Variants in CACNB3 observed in about 807,000 individuals in gnomAD.
CACNB3 encodes the protein calcium voltage-gated channel auxiliary subunit beta 3, also known as voltage-dependent L-type calcium channel subunit beta-3.
A neutral mutation model predicts 63.7 loss-of-function variants in CACNB3; 36 were observed. That is an observed-to-expected ratio of 0.57 (90% CI 0.43 to 0.75). The LOEUF is 0.75. Among genes scored for constraint, CACNB3 ranks in the 30% least tolerant of loss-of-function variants. The pLI is 0.00. For missense variants in CACNB3, 493 were observed against 648.6 expected (o/e 0.76, Z 2.61); for synonymous variants, 241 against 250.6 (o/e 0.96, Z 0.36).
At chr12:48,822,887 T>G (rs1270581284) in intron 1 of CACNB3, among the ~76,000 whole-genome samples, 1 of 152,168 alleles carries the variant, frequency 6.6e-6, no homozygotes, top group Non-Finnish European at 1.5e-5. Flanking sequence ...ATCTCTTGAC[T>G]GTTGCGGCTG....
chr12:48,828,868 T>C lies in CACNB3; in HGVS notation c.*969T>C. 2.3e-6 allele frequency: 1 copy of C among 427,548 alleles called. No homozygotes were observed. Among genetic ancestry groups the C allele is most frequent in the African/African-American group, 2.0e-5 (1 of 49,320 alleles). 26.5% of individuals were successfully genotyped at this position (427,548 alleles called of 1,614,324 possible). ...CTACTCTTGCCTTATGGCTCTAGTG[T>C]GTGACCTACAGAGCATGCTCCACAA... is the stretch of plus-strand genomic sequence containing the variant. On this transcript the variant is annotated 3_prime_UTR_variant, in exon 13 of 13. Coordinates refer to ENST00000301050, the MANE Select transcript of CACNB3 (RefSeq NM_000725.4).
chr12:48,827,950 GC>G lies in CACNB3; in HGVS notation c.*54del. 1 of 1,499,808 alleles carries G rather than the reference GC, an allele frequency of 6.7e-7. No individual in the cohort carries two copies. The highest frequency in any genetic ancestry group is 9.2e-7 in the Non-Finnish European group (1 of 1,091,922). The allele number at this position is 1,499,808 out of a possible 1,614,324, so 92.9% of individuals were successfully genotyped here. ...AGGCACAGGCGCAGCTGGCTGGGGG[GC>G]CCACTCCAGGCAGGGTGGCGTTAGA... On this transcript the variant is annotated 3_prime_UTR_variant, in exon 13 of 13. Transcript: ENST00000301050.
At chr12:48,816,001 G>A (rs1287397092), upstream of CACNB3, among the ~76,000 whole-genome samples, 3 of 152,156 alleles carry the variant, frequency 2.0e-5, no homozygotes, top group Non-Finnish European at 4.4e-5. Flanking sequence ...TACAAGAAGG[G>A]CTCTGCCAAG....
upstream of CACNB3, chr12:48,814,655 C>T (rs1942242935): frequency 3.4e-6 from 4 of 1,185,314 alleles, no homozygotes; most frequent in Non-Finnish European, 4.6e-6. This position sits in a 1 kb window ranked among gnomAD's most constrained non-coding sequence, Gnocchi z 6.9. Context: ...CTGGGGGTCT[C>T]GAGCTGGGAC....
At chr12:48,814,738 C>T (rs1032392018), upstream of CACNB3, among the ~76,000 whole-genome samples, 10 of 152,184 alleles carry the variant, frequency 6.6e-5, no homozygotes, top group African/African-American at 2.4e-4. This position sits in a 1 kb window ranked among gnomAD's most constrained non-coding sequence, Gnocchi z 6.9. Flanking sequence ...CGGGGTGCGT[C>T]CCCCCTGCTC....
At chr12:48,815,734 C>CCG, upstream of CACNB3, 1 of 604,374 alleles carries the variant, frequency 1.7e-6, no homozygotes, top group Non-Finnish European at 2.5e-6. Context: ...ACGAGGTAAC[C>CCG]GTGGGGGGGG....
At chr12:48,821,451 C>G (rs1328005864) in intron 1 of CACNB3, 3 of 152,134 alleles carry the variant, frequency 2.0e-5, no homozygotes, top group African/African-American at 7.2e-5. Context: ...ACACTCCAGC[C>G]TGGGTGACAG....
rs543206363 is a variant in CACNB3, at chr12:48,827,280, A to AC, written c.1140+158dup. 1.6e-3 allele frequency among the ~76,000 whole-genome samples: 237 copies of AC among 152,342 alleles called. 4 individuals carry two copies. The highest frequency in any genetic ancestry group is 0.015 in the Admixed American group (234 of 15,302). ...AGAGCTAGCACAGACGGGCAAAGGA[A>AC]CTTCCTGAGGAGAGAGGGAATCAAT... On this transcript the variant is annotated intron_variant, in intron 12 of 12. Transcript: ENST00000301050.
chr12:48,823,905 C>T lies in CACNB3; in HGVS notation c.291+102C>T. 1 of 1,447,878 alleles carries T rather than the reference C, an allele frequency of 6.9e-7. No homozygotes were observed. The highest frequency in any genetic ancestry group is 9.5e-7 in the Non-Finnish European group (1 of 1,050,158). The allele number at this position is 1,447,878 out of a possible 1,614,324, so 89.7% of individuals were successfully genotyped here. ...TGAATCCTCAGTCTAATTCCCCAAG[C>T]TAATCAGCTCTTCTCCTTAACACAC... On this transcript the variant is annotated intron_variant, in intron 3 of 12. Transcript: ENST00000301050. The surrounding 1 kb of genome is among the most constrained non-coding windows in gnomAD (Gnocchi z 4.2).
At chr12:48,817,584 G>T (rs1942315363), upstream of CACNB3, among the ~76,000 whole-genome samples, 1 of 152,150 alleles carries the variant, frequency 6.6e-6, no homozygotes, top group South Asian at 2.1e-4. Flanking sequence ...CAAATGGGTG[G>T]ATCTTTGGGG....
rs991952668 is a variant in CACNB3, at chr12:48,825,077, G to A, written c.493-86G>A. 1.0e-5 allele frequency: 16 copies of A among 1,583,606 alleles called. No individual in the cohort carries two copies. In the African/African-American group the frequency reaches 2.2e-4, roughly 21 times the overall value. On this transcript the variant is annotated intron_variant, in intron 6 of 12. Transcript: ENST00000301050. This position sits in a 1 kb window ranked among gnomAD's most constrained non-coding sequence, Gnocchi z 4.5. ...CAGAACAGAGAGGGGAGGGAGCCCA[G>A]AACCTCTGGATCTGCCCTGACGCCA...
chr12:48,823,524 C>T lies in CACNB3; in HGVS notation c.168+58C>T, dbSNP rs1372718033. The T allele has an allele frequency of 1.3e-5, 21 of 1,602,330 alleles. No homozygotes were observed. In the East Asian group the frequency reaches 1.3e-4, roughly 10 times the overall value. On this transcript the variant is annotated intron_variant, in intron 2 of 12. Coordinates refer to ENST00000301050, the MANE Select transcript of CACNB3 (RefSeq NM_000725.4). The surrounding 1 kb of genome is among the most constrained non-coding windows in gnomAD (Gnocchi z 4.2). Reference sequence around the variant, plus strand: ...GCCAAGCTAGGTGGAAACCTGCACTCGGTCCTAAGTCCCAAGGGGTCCTTG... The same window carrying T: ...GCCAAGCTAGGTGGAAACCTGCACTTGGTCCTAAGTCCCAAGGGGTCCTTG...
In CACNB3 at chr12:48,826,972, A is replaced by C. The variant is rs1205302953; in HGVS notation, c.991-2A>C. On this transcript the variant is annotated splice_acceptor_variant, in intron 11 of 12. Transcript: ENST00000301050. LOFTEE classifies it high-confidence loss of function. The surrounding 1 kb of genome is among the most constrained non-coding windows in gnomAD (Gnocchi z 4.8). ...ACGTTGCGCCTTCCTCCCCCTCCCC[A>C]GGAGTCATTTGATGTGATTCTGGAT... is the stretch of plus-strand genomic sequence containing the variant. 6.2e-7 allele frequency: 1 copy of C among 1,614,058 alleles called. No homozygotes were observed. The highest frequency in any genetic ancestry group is 1.1e-5 in the South Asian group (1 of 91,070).
At chr12:48,816,116 G>C (rs540961876), upstream of CACNB3, among the ~76,000 whole-genome samples, 1 of 152,334 alleles carries the variant, frequency 6.6e-6, no homozygotes, top group South Asian at 2.1e-4. Flanking sequence ...GAGTCTTTAA[G>C]TCTTCCCAGA....
upstream of CACNB3, chr12:48,818,454 G>C: frequency 1.0e-6 from 1 of 988,966 alleles, no homozygotes; most frequent in Non-Finnish European, 1.2e-6. The surrounding 1 kb of genome is among the most constrained non-coding windows in gnomAD (Gnocchi z 4.3). Context: ...TCCTCGCCCC[G>C]CCTCCTCCCT....
rs1180936952 is a variant in CACNB3 at position 48,818,787 on chromosome 12, C to T, written c.-143C>T. 1 of 1,356,280 alleles carries T rather than the reference C, an allele frequency of 7.4e-7. No individual in the cohort carries two copies. The highest frequency in any genetic ancestry group is 9.5e-7 in the Non-Finnish European group (1 of 1,055,038). 84.0% of individuals were successfully genotyped at this position (1,356,280 alleles called of 1,614,324 possible). The stretch of plus-strand genomic sequence containing the variant: ...GCTGGTCTTCGCGGCTCGCTCCCTC[C>T]TTCGCGCTCTCTCGCTCCCTGCCGC... On this transcript the variant is annotated 5_prime_UTR_variant, in exon 1 of 13. Transcript: ENST00000301050. The surrounding 1 kb of genome is among the most constrained non-coding windows in gnomAD (Gnocchi z 4.3).
At chr12:48,827,271 G>A in intron 12 of CACNB3, 148 bp downstream of exon 12, 1 of 1,014,508 alleles carries the variant, frequency 9.9e-7, no homozygotes, top group Non-Finnish European at 1.4e-6. Flanking sequence ...AGCACAGACG[G>A]GCAAAGGAAC....
Position 48,823,840 on chromosome 12 carries a change from C to G in CACNB3, c.291+37C>G. The G allele has an allele frequency of 6.2e-7, 1 of 1,612,628 alleles. No individual in the cohort carries two copies. Among genetic ancestry groups the G allele is most frequent in the Non-Finnish European group, 8.5e-7 (1 of 1,179,360 alleles). On this transcript the variant is annotated intron_variant, in intron 3 of 12. Transcript: ENST00000301050. This position sits in a 1 kb window ranked among gnomAD's most constrained non-coding sequence, Gnocchi z 4.2. Reference sequence around the variant, plus strand: ...CCCTACTTCCAGAAGCCTCTAACTTCATTTTCTTGCTCTTGCTCCAGATCC... The same window carrying G: ...CCCTACTTCCAGAAGCCTCTAACTTGATTTTCTTGCTCTTGCTCCAGATCC...
rs1359352159 is a variant in CACNB3 at position 48,818,594 on chromosome 12, C to G, written c.-336C>G. 1 of 1,091,122 alleles carries G rather than the reference C, an allele frequency of 9.2e-7. No individual in the cohort carries two copies. The highest frequency in any genetic ancestry group is 1.1e-6 in the Non-Finnish European group (1 of 898,652). The allele number at this position is 1,091,122 out of a possible 1,614,324, so 67.6% of individuals were successfully genotyped here. ...CTCTCCCGGCCTGGCCCGGGCTCCC[C>G]GGTGGCCGCCGCCCCCTCGCCGCCC... On this transcript the variant is annotated 5_prime_UTR_variant, in exon 1 of 13. Transcript: ENST00000301050. This position sits in a 1 kb window ranked among gnomAD's most constrained non-coding sequence, Gnocchi z 4.3.
Sources: gnomAD v4.1 joint callset for allele counts (sites outside exome capture counted in the v4.1 genomes callset) on GRCh38, gnomAD v4.1.1 for gene constraint, Gnocchi (gnomAD v3.1) non-coding constraint, MANE v1.5 for transcripts, NCBI Gene and HGNC (gene_info 2026-07-23, HGNC 2026-07-21) for gene names.